Variants in CSMD3 observed in about 807,000 individuals in gnomAD.
The protein encoded by CSMD3 is CUB and sushi domain-containing protein 3.
In CSMD3, 177 loss-of-function variants were observed where a neutral mutation model predicts 435.2. That is an observed-to-expected ratio of 0.41 (90% confidence interval 0.36 to 0.46). The LOEUF (loss-of-function observed/expected upper bound fraction) is 0.46. CSMD3 is among the 20% of genes least tolerant of loss of function. The probability of loss-of-function intolerance (pLI) is 0.34; values close to 1 mark genes in which losing one functional copy is unlikely to be tolerated. For missense variants in CSMD3, 4,265 were observed against 4,504.6 expected (o/e 0.95, Z 1.52); for synonymous variants, 1,656 against 1,520.5 (o/e 1.09, Z -2.07).
chr8:112,719,888 C>T (rs899488993), intron 13 of CSMD3, among the ~76,000 whole-genome samples: 1 of 152,148 alleles, frequency 6.6e-6, no homozygotes, highest in Non-Finnish European at 1.5e-5. Flanking sequence ...ATAGAAACAG[C>T]AATCCTTTTC....
intron 1 of CSMD3, among the ~76,000 whole-genome samples, chr8:113,426,585 T>C (rs2094636982): frequency 6.6e-6 from 1 of 151,368 alleles, no homozygotes; most frequent in Admixed American, 6.6e-5. Flanking sequence ...AAAACACAGC[T>C]GTAAGTTTTA....
At chr8:112,710,760 T>C (rs894545436) in intron 13 of CSMD3, among the ~76,000 whole-genome samples, 2 of 150,868 alleles carry the variant, frequency 1.3e-5, no homozygotes, top group African/African-American at 4.9e-5. Context: ...TTAGGGTGGG[T>C]AAAGCAGAAG....
intron 16 of CSMD3, among the ~76,000 whole-genome samples, chr8:112,677,335 G>C (rs1483882795): frequency 4.0e-5 from 6 of 151,248 alleles, no homozygotes; most frequent in Admixed American, 4.0e-4. Flanking sequence ...TTGAATGGTG[G>C]GTGAGAAGGG....
intron 4 of CSMD3, among the ~76,000 whole-genome samples, chr8:113,153,700 G>C (rs573505748): frequency 2.0e-5 from 3 of 151,990 alleles, no homozygotes; most frequent in Non-Finnish European, 4.4e-5. Context: ...AAAGTAGTGG[G>C]GGTGCAACAG....
intron 7 of CSMD3, among the ~76,000 whole-genome samples, chr8:112,968,990 T>C (rs558296036): frequency 6.6e-6 from 1 of 152,092 alleles, no homozygotes; most frequent in Admixed American, 6.6e-5. Context: ...TTGCAAACAC[T>C]TGAAAACATT....
At chr8:112,425,314 T>C (rs751757889) in intron 32 of CSMD3, among the ~76,000 whole-genome samples, 2 of 152,200 alleles carry the variant, frequency 1.3e-5, no homozygotes, top group Admixed American at 6.5e-5. Context: ...GACTTCAAAT[T>C]GTGAACCCCA....
Position 113,315,628 on chromosome 8 carries a change from AATATATATCAAATGTATATTAAAT to A in CSMD3, c.179-859_179-836del, listed in dbSNP as rs1256415673. On this transcript the variant is annotated intron_variant, in intron 1 of 70. Coordinates refer to ENST00000297405, the MANE Select transcript of CSMD3 (RefSeq NM_198123.2). ...AAATATATATCTCAAATATATCACAAATATATATCAAATGTATATTAAATATATATATCAAATGTATATTAAACA... is the reference window on the plus strand; with the variant it reads ...AAATATATATCTCAAATATATCACAAATATATATCAAATGTATATTAAACA... Among the ~76,000 whole-genome samples the A allele has an allele frequency of 2.8e-5, 4 of 143,114 alleles. No homozygotes were observed. In the South Asian group the frequency reaches 6.6e-4, roughly 23 times the overall value. 93.9% of individuals were successfully genotyped at this position (143,114 alleles called of 152,430 possible).
chr8:112,289,044 C>A (rs1282816893), intron 57 of CSMD3, among the ~76,000 whole-genome samples: 1 of 152,024 alleles, frequency 6.6e-6, no homozygotes, highest in Non-Finnish European at 1.5e-5. Flanking sequence ...GGGATAGATA[C>A]TTTAGCTTGA....
At chr8:112,936,922 C>T (rs1413696619) in intron 9 of CSMD3, among the ~76,000 whole-genome samples, 1 of 152,000 alleles carries the variant, frequency 6.6e-6, no homozygotes, top group Non-Finnish European at 1.5e-5. Context: ...CTACCTGTAG[C>T]CTCAATTGTC....
At chr8:112,623,568 G>C (rs1229120053) in intron 22 of CSMD3, among the ~76,000 whole-genome samples, 1 of 151,828 alleles carries the variant, frequency 6.6e-6, no homozygotes, top group Non-Finnish European at 1.5e-5. Context: ...ACATTGTGCA[G>C]GTTAGTTACA....
At chr8:112,341,776 G>A in intron 41 of CSMD3, 90 bp from the exon 42 acceptor site, 1 of 868,444 alleles carries the variant, frequency 1.2e-6, no homozygotes, top group South Asian at 1.4e-5. Flanking sequence ...AATGTACTTA[G>A]ATAAGTTTGC....
intron 58 of CSMD3, among the ~76,000 whole-genome samples, chr8:112,282,334 T>C (rs1468418642): frequency 6.6e-6 from 1 of 152,026 alleles, no homozygotes; most frequent in Non-Finnish European, 1.5e-5. Flanking sequence ...CTCTAGATAA[T>C]ATTTTAAGCA....
intron 27 of CSMD3, among the ~76,000 whole-genome samples, chr8:112,528,241 A>G (rs1825178923): frequency 6.6e-6 from 1 of 152,184 alleles, no homozygotes; most frequent in Admixed American, 6.5e-5. Flanking sequence ...TCATGTAGCC[A>G]ATCCAAACAT....
chr8:112,296,375 C>A (rs1820274326), intron 53 of CSMD3, among the ~76,000 whole-genome samples: 2 of 151,932 alleles, frequency 1.3e-5, no homozygotes, highest in South Asian at 2.1e-4. Context: ...CACGATGAAA[C>A]CCCGTCTCTA....
At chr8:112,550,902 T>C (rs761743177) in intron 26 of CSMD3, 29 bp from the exon 27 acceptor site, 44 of 1,519,396 alleles carry the variant, frequency 2.9e-5, no homozygotes, top group Non-Finnish European at 3.7e-5. Flanking sequence ...TCTCTGATTA[T>C]TTTAAACAAG....
chr8:112,852,176 C>A (rs1261589795), intron 11 of CSMD3, among the ~76,000 whole-genome samples: 1 of 152,102 alleles, frequency 6.6e-6, no homozygotes, highest in African/African-American at 2.4e-5. Context: ...ATAGAATGGA[C>A]ACATGGGTAG....
At chr8:113,016,354 G>A (rs942702711) in intron 6 of CSMD3, among the ~76,000 whole-genome samples, 2 of 151,788 alleles carry the variant, frequency 1.3e-5, no homozygotes, top group African/African-American at 4.8e-5. Context: ...CATTCAGGAA[G>A]CTAGCATATA....
chr8:112,814,812 A>G (rs1436908199), intron 12 of CSMD3, among the ~76,000 whole-genome samples: 1 of 151,796 alleles, frequency 6.6e-6, no homozygotes, highest in Non-Finnish European at 1.5e-5. Context: ...TTTTCATTAT[A>G]CCAAGGGAGC....
Position 112,255,425 on chromosome 8 carries a change from T to C in CSMD3, c.9865A>G (p.Lys3289Glu). The C allele has an allele frequency of 6.2e-7, 1 of 1,613,526 alleles. No homozygotes were observed. Among genetic ancestry groups the C allele is most frequent in the Non-Finnish European group, 8.5e-7 (1 of 1,179,698 alleles). The change falls in exon 62 of 71, where the codon AAG becomes GAG. Residue 3289 changes from lysine (K) to glutamate (E), a missense_variant and splice_region_variant. This residue lies in a region of CSMD3 where 3,255 missense variants were observed against 3,380.2 expected (regional missense o/e 0.96). Coordinates refer to ENST00000297405, the MANE Select transcript of CSMD3 (RefSeq NM_198123.2). ...GGTATACCAGGGTCACCACAAAACT[T>C]TGCTGGAAATGAAAAGAAAGACGCT... is the stretch of plus-strand genomic sequence containing the variant. ...WSGEVPQCLP[K>E]FCGDPGIPAQ...
Sources: allele counts gnomAD v4.1 joint callset (sites outside exome capture counted in the v4.1 genomes callset), GRCh38; gene constraint gnomAD v4.1.1; regional missense constraint gnomAD v4.1.1; transcripts MANE v1.5; gene names NCBI Gene and HGNC (gene_info 2026-07-23, HGNC 2026-07-21).